The following REEP3 variants were observed in gnomAD, a reference collection of about 807,000 sequenced individuals.
The protein encoded by REEP3 is receptor accessory protein 3.
REEP3 carries 20 observed loss-of-function variants against 41.3 expected under a neutral mutation model. That is an observed-to-expected ratio of 0.48 (90% CI 0.34 to 0.70). The LOEUF (loss-of-function observed/expected upper bound fraction) is 0.70, where lower values mean the gene tolerates loss of function less well. Ranked by LOEUF, REEP3 falls within the 30% of genes least tolerant of loss-of-function variation. REEP3 has a pLI of 0.01. For synonymous variants in REEP3, 104 were observed against 101.8 expected, an observed-to-expected ratio of 1.02 and a Z score of -0.13; for missense variants, 271 against 308.8, an observed-to-expected ratio of 0.88 and a Z score of 0.92.
At chr10:63,619,622 A>G (rs1043363394) in intron 6 of REEP3, 33 bp from the exon 7 acceptor site, 9 of 1,576,000 alleles carry the variant, frequency 5.7e-6, no homozygotes, top group Middle Eastern at 1.7e-4. Flanking sequence ...GTGTCCTTTT[A>G]CCAAAACATG....
In REEP3 at chr10:63,598,083, C is replaced by A; in HGVS notation, c.242C>A (p.Thr81Asn). 6.3e-7 allele frequency: 1 copy of A among 1,598,204 alleles called. No homozygotes were observed. Among genetic ancestry groups the A allele is most frequent in the Non-Finnish European group, 8.6e-7 (1 of 1,166,276 alleles). ...AFVIWLLSPY[T>N]KGASLIYRKF... Reference sequence around the variant, plus strand: ...GTCATATGGCTGCTTTCTCCCTATACCAAAGGAGCAAGTTTAATATATAGA... The same window carrying A: ...GTCATATGGCTGCTTTCTCCCTATAACAAAGGAGCAAGTTTAATATATAGA... Residue 81 changes from threonine (T) to asparagine (N), a missense_variant, in exon 4 of 8, where the codon ACC (threonine) becomes AAC (asparagine). Physicochemically the swap from Thr to Asn is moderately conservative, Grantham distance 65. Coordinates refer to ENST00000373758, the MANE Select transcript of REEP3 (RefSeq NM_001001330.3).
chr10:63,561,703 C>T (rs1352221049), intron 1 of REEP3, among the ~76,000 whole-genome samples: 4 of 152,116 alleles, frequency 2.6e-5, no homozygotes. Flanking sequence ...ATGGCATGAG[C>T]CCAGATGTAT....
intron 2 of REEP3, among the ~76,000 whole-genome samples, chr10:63,575,581 C>T (rs894725382): frequency 7.3e-5 from 11 of 151,534 alleles, no homozygotes; most frequent in African/African-American, 2.7e-4. Flanking sequence ...AATCTTTTCC[C>T]TTCTCTTTCC....
At chr10:63,555,831 C>G (rs1381892748) in intron 1 of REEP3, among the ~76,000 whole-genome samples, 1 of 152,170 alleles carries the variant, frequency 6.6e-6, no homozygotes, top group African/African-American at 2.4e-5. Flanking sequence ...TTGAGCCCTA[C>G]TGCCAAAAAT....
At chr10:63,545,701 T>G (rs1255684202) in intron 1 of REEP3, among the ~76,000 whole-genome samples, 1 of 145,884 alleles carries the variant, frequency 6.9e-6, no homozygotes, top group African/African-American at 2.5e-5. Context: ...TTTTTTTTTT[T>G]TTTTGAGATG....
At chr10:63,569,065 C>T (rs1350607715) in intron 2 of REEP3, among the ~76,000 whole-genome samples, 1 of 152,134 alleles carries the variant, frequency 6.6e-6, no homozygotes, top group East Asian at 1.9e-4. Context: ...CTTACAGTAA[C>T]ACAGTAGTGC....
At chr10:63,588,211 C>A (rs1956025550) in intron 2 of REEP3, among the ~76,000 whole-genome samples, 1 of 152,174 alleles carries the variant, frequency 6.6e-6, no homozygotes, top group South Asian at 2.1e-4. Context: ...CCACTCTTTT[C>A]TTCCTTTCTA....
At chr10:63,588,136 CGCCTACT>C (rs1392783879) in intron 2 of REEP3, among the ~76,000 whole-genome samples, 1 of 152,138 alleles carries the variant, frequency 6.6e-6, no homozygotes, top group African/African-American at 2.4e-5. Context: ...GCTAATATGC[CGCCTACT>C]GCAGAGTAAA....
chr10:63,596,323 G>A (rs374455645), intron 3 of REEP3, among the ~76,000 whole-genome samples: 19 of 142,778 alleles, frequency 1.3e-4, no homozygotes, highest in Admixed American at 6.1e-4. Flanking sequence ...ATCCCCAACC[G>A]TGCTACATCG....
chr10:63,599,604 C>A, intron 5 of REEP3: 2 of 724,898 alleles, frequency 2.8e-6, no homozygotes, highest in Non-Finnish European at 3.4e-6. Context: ...TTGTTTATTT[C>A]TCTGTCTTTG....
At chr10:63,527,691 G>A (rs1246670394) in intron 1 of REEP3, among the ~76,000 whole-genome samples, 1 of 151,480 alleles carries the variant, frequency 6.6e-6, no homozygotes, top group African/African-American at 2.4e-5. Flanking sequence ...AAAAAAAAAA[G>A]AAAAATAATT....
rs562320638 is a variant in REEP3, at chr10:63,562,471, G to A, written c.33-3867G>A. On this transcript the variant is annotated intron_variant, in intron 1 of 7. Transcript: ENST00000373758. ...AGGGTTTCCCCACGTTGGCCAAGCT[G>A]GTCTCGAACTCCTGACCTCAGGTAA... The A allele has an allele frequency of 9.2e-4, 405 of 439,992 alleles. 3 individuals carry two copies. Among genetic ancestry groups the A allele is most frequent in the South Asian group, 6.3e-3 (394 of 62,160 alleles). 27.3% of individuals were successfully genotyped at this position (439,992 alleles called of 1,614,324 possible).
At chr10:63,561,105 T>C (rs867214893) in intron 1 of REEP3, among the ~76,000 whole-genome samples, 1 of 152,238 alleles carries the variant, frequency 6.6e-6, no homozygotes, top group Admixed American at 6.5e-5. Flanking sequence ...GTTTGACTTA[T>C]TCTCTTTAAT....
chr10:63,526,613 CAT>C (rs1223963428), intron 1 of REEP3, among the ~76,000 whole-genome samples: 2 of 151,982 alleles, frequency 1.3e-5, no homozygotes, highest in African/African-American at 4.8e-5. Context: ...ATAAATATAA[CAT>C]ATCTCATTGT....
intron 1 of REEP3, among the ~76,000 whole-genome samples, chr10:63,551,137 TG>T (rs1289537167): frequency 6.6e-6 from 1 of 152,164 alleles, no homozygotes; most frequent in East Asian, 1.9e-4. Context: ...ATTCTAGGAA[TG>T]GGCAGGAAAT....
intron 1 of REEP3, among the ~76,000 whole-genome samples, chr10:63,539,751 T>G (rs1162018643): frequency 3.9e-5 from 6 of 152,228 alleles, no homozygotes; most frequent in African/African-American, 1.4e-4. Context: ...TTATACCATA[T>G]TTAAAAGCTT....
intron 1 of REEP3, among the ~76,000 whole-genome samples, chr10:63,533,689 G>C (rs974261183): frequency 1.4e-5 from 2 of 140,234 alleles, no homozygotes; most frequent in Non-Finnish European, 3.2e-5. Context: ...CCACATGAAA[G>C]AGCCTTGGAA....
intron 6 of REEP3, among the ~76,000 whole-genome samples, chr10:63,617,008 T>C (rs77859233): frequency 2.6e-5 from 4 of 152,180 alleles, no homozygotes; most frequent in African/African-American, 9.7e-5. Flanking sequence ...ATTTTTTTTT[T>C]CCACACTTAA....
At chr10:63,562,721 C>G (rs1955753244) in intron 1 of REEP3, 6 of 426,084 alleles carry the variant, frequency 1.4e-5, no homozygotes, top group South Asian at 1.0e-4. Flanking sequence ...AATTGGTAAA[C>G]AAACTAACTA....
Sources: allele counts gnomAD v4.1 joint callset (sites outside exome capture counted in the v4.1 genomes callset), GRCh38; gene constraint gnomAD v4.1.1; transcripts MANE v1.5; gene names NCBI Gene and HGNC (gene_info 2026-07-23, HGNC 2026-07-21).